The following KIF13A variants were observed in gnomAD, a reference collection of about 807,000 sequenced individuals.
KIF13A encodes the protein kinesin family member 13A, also known as kinesin-like protein KIF13A.
Under a neutral mutation model 212.2 loss-of-function variants are expected in KIF13A, and 79 were observed. The ratio of observed to expected loss-of-function variants is 0.37; its 90% CI spans 0.31 to 0.45. KIF13A has a LOEUF of 0.45. Among genes scored for constraint, KIF13A ranks in the 20% least tolerant of loss-of-function variants. The probability of loss-of-function intolerance (pLI) is 1.00; values close to 1 mark genes in which losing one functional copy is unlikely to be tolerated. For missense variants in KIF13A, 1,901 were observed against 2,209.0 expected, an observed-to-expected ratio of 0.86 and a Z score of 2.79; for synonymous variants, 789 against 808.6, an observed-to-expected ratio of 0.98 and a Z score of 0.41.
chr6:17,847,734 G>A (rs114340639), intron 9 of KIF13A, among the ~76,000 whole-genome samples: 6 of 152,218 alleles, frequency 3.9e-5, no homozygotes, highest in Admixed American at 6.5e-5. Flanking sequence ...TTTATTCACT[G>A]CATACTAAGT....
rs1772650709 is a variant in KIF13A at position 17,897,206 on chromosome 6, A to T, written c.159+962T>A. Among the ~76,000 whole-genome samples, 1 of 152,196 alleles carries T rather than the reference A, an allele frequency of 6.6e-6. No individual in the cohort carries two copies. Among genetic ancestry groups the T allele is most frequent in the South Asian group, 2.1e-4 (1 of 4,828 alleles). ...ATGGGTTTCCATAATCCAAGAGCTA[A>T]GATGGATTGTTCTTCATAACCCCAG... On this transcript the variant is annotated intron_variant, in intron 3 of 38. Transcript: ENST00000259711. The surrounding 1 kb of genome is among the most constrained non-coding windows in gnomAD (Gnocchi z 4.8).
At chr6:17,806,619 C>T (rs778980393) in intron 18 of KIF13A, among the ~76,000 whole-genome samples, 4 of 152,118 alleles carry the variant, frequency 2.6e-5, no homozygotes, top group Admixed American at 6.6e-5. Flanking sequence ...GTGGCTCATG[C>T]CTGTAATCCC....
chr6:17,860,091 C>G lies in KIF13A; in HGVS notation c.221-3969G>C, dbSNP rs370324275. 8.5e-5 allele frequency among the ~76,000 whole-genome samples: 13 copies of G among 152,254 alleles called. 1 individual carries two copies. In the East Asian group the frequency reaches 2.1e-3, roughly 25 times the overall value. Reference sequence around the variant, plus strand: ...TGTCAAGGCTGATTCCATTCATCATCAGTAATTCATGCTGCATGACACTGG... The same window carrying G: ...TGTCAAGGCTGATTCCATTCATCATGAGTAATTCATGCTGCATGACACTGG... On this transcript the variant is annotated intron_variant, in intron 4 of 38. Transcript: ENST00000259711.
intron 16 of KIF13A, 136 bp from the exon 17 acceptor site, chr6:17,817,369 G>A (rs1157470394): frequency 1.3e-5 from 9 of 691,766 alleles, no homozygotes; most frequent in Non-Finnish European, 2.3e-5. Context: ...AGAGGCCTGA[G>A]GGGCCACATC....
At chr6:17,891,589 C>T (rs1179558340) in intron 3 of KIF13A, among the ~76,000 whole-genome samples, 2 of 152,062 alleles carry the variant, frequency 1.3e-5, no homozygotes, top group East Asian at 3.8e-4. Flanking sequence ...GAGACCTCAT[C>T]TTTACAAAGA....
chr6:17,977,005 G>A (rs927527408), intron 2 of KIF13A, among the ~76,000 whole-genome samples: 55 of 151,750 alleles, frequency 3.6e-4, no homozygotes, highest in Middle Eastern at 3.4e-3. Flanking sequence ...GGGAGGCTGA[G>A]GCAGGAGAAT....
At chr6:17,781,340 A>G in intron 29 of KIF13A, 39 bp from the exon 30 acceptor site, 1 of 1,516,866 alleles carries the variant, frequency 6.6e-7, no homozygotes. Flanking sequence ...AGTAGGGGAA[A>G]GTCAGTTTTT....
intron 2 of KIF13A, among the ~76,000 whole-genome samples, chr6:17,973,692 G>A (rs1033544189): frequency 6.6e-6 from 1 of 152,158 alleles, no homozygotes; most frequent in Non-Finnish European, 1.5e-5. Context: ...AGCTGCAAAA[G>A]GATCAACAGC....
rs771660259 is a variant in KIF13A, at chr6:17,796,723, C to A, written c.2888G>T (p.Ser963Ile). The stretch of plus-strand genomic sequence containing the variant: ...AAGAGAATCGACCTCCCAGATGGAG[C>A]TGCCATTTCCAGCACACCGGTGGCC... ...VWGHRCAGNG[S>I]SIWEVDSLHA... is the part of the protein sequence containing the mutation. The change falls in exon 23 of 39, where the codon AGC (serine) becomes ATC (isoleucine). Residue 963 changes from serine (S) to isoleucine (I), a missense_variant. Physicochemically the swap from Ser to Ile is moderately radical, Grantham distance 142 (BLOSUM62 -2). Coordinates refer to ENST00000259711, the MANE Select transcript of KIF13A (RefSeq NM_022113.6). 1.3e-6 allele frequency: 2 copies of A among 1,592,876 alleles called. No homozygotes were observed. Among genetic ancestry groups the A allele is most frequent in the African/African-American group, 2.7e-5 (2 of 73,706 alleles).
intron 2 of KIF13A, among the ~76,000 whole-genome samples, chr6:17,903,316 T>C (rs991362660): frequency 2.0e-5 from 3 of 152,234 alleles, no homozygotes; most frequent in African/African-American, 7.2e-5. Flanking sequence ...ACTTATTTGA[T>C]AACAGAATTT....
chr6:17,840,002 G>A (rs1027994102), intron 9 of KIF13A, among the ~76,000 whole-genome samples: 4 of 152,188 alleles, frequency 2.6e-5, no homozygotes, highest in Non-Finnish European at 5.9e-5. Flanking sequence ...GCCATATACT[G>A]TATGATTCCA....
chr6:17,915,703 T>C lies in KIF13A; in HGVS notation c.147-17523A>G, dbSNP rs1406770386. Among the ~76,000 whole-genome samples the C allele has an allele frequency of 2.0e-5, 3 of 152,144 alleles. No individual in the cohort carries two copies. The highest frequency in any genetic ancestry group is 4.4e-5 in the Non-Finnish European group (3 of 68,030). ...CAGGCCAGGCACAGTGGCTCACGCC[T>C]GTAATCGCAGCACTTTGGGAGGCTA... On this transcript the variant is annotated intron_variant, in intron 2 of 38. Coordinates refer to ENST00000259711, the MANE Select transcript of KIF13A (RefSeq NM_022113.6). This position sits in a 1 kb window ranked among gnomAD's most constrained non-coding sequence, Gnocchi z 4.4.
At chr6:17,774,560 G>A (rs1044542436) in intron 35 of KIF13A, among the ~76,000 whole-genome samples, 1 of 152,120 alleles carries the variant, frequency 6.6e-6, no homozygotes, top group African/African-American at 2.4e-5. Flanking sequence ...GATCACCTGA[G>A]GTCAGAAGTT....
intron 3 of KIF13A, among the ~76,000 whole-genome samples, chr6:17,880,186 C>T (rs1770928154): frequency 6.6e-6 from 1 of 152,090 alleles, no homozygotes. Flanking sequence ...ATTCTCCTAG[C>T]CTCAAGTGAT....
At chr6:17,868,608 CA>C (rs1001537960) in intron 4 of KIF13A, among the ~76,000 whole-genome samples, 17 of 142,960 alleles carry the variant, frequency 1.2e-4, no homozygotes, top group African/African-American at 1.0e-4. Flanking sequence ...CTTTTTGAAG[CA>C]AAAAAAAAAT....
In KIF13A at chr6:17,934,787, C is replaced by CAAAA. The variant is rs11301845; in HGVS notation, c.147-36611_147-36608dup. Among the ~76,000 whole-genome samples the CAAAA allele has an allele frequency of 7.1e-6, 1 of 140,228 alleles. No homozygotes were observed. Among genetic ancestry groups the CAAAA allele is most frequent in the African/African-American group, 2.7e-5 (1 of 37,008 alleles). 92.0% of individuals were successfully genotyped at this position (140,228 alleles called of 152,430 possible). A position where few individuals can be genotyped will look rare whatever the true frequency, so the allele number is the denominator to read the frequency against. On this transcript the variant is annotated intron_variant, in intron 2 of 38. Transcript: ENST00000259711. This position sits in a 1 kb window ranked among gnomAD's most constrained non-coding sequence, Gnocchi z 5.4. ...GGGCAACCAAGCAATACCCTGTCTCCAAAAAAAAAAAAAAGACACTTAAAA... is the reference window on the plus strand; with the variant it reads ...GGGCAACCAAGCAATACCCTGTCTCCAAAAAAAAAAAAAAAAAAGACACTTAAAA...
At chr6:17,841,608 T>C (rs1186750377) in intron 9 of KIF13A, among the ~76,000 whole-genome samples, 1 of 152,136 alleles carries the variant, frequency 6.6e-6, no homozygotes, top group Non-Finnish European at 1.5e-5. Flanking sequence ...AATTCCCATG[T>C]ATATTTTGCT....
At chr6:17,795,013 C>T (rs887449350) in intron 23 of KIF13A, 3 of 260,938 alleles carry the variant, frequency 1.1e-5, no homozygotes, top group African/African-American at 6.6e-5. Context: ...CCATTCAATC[C>T]CCACATTCCC....
At chr6:17,780,957 T>C (rs1760512432) in intron 30 of KIF13A, 51 bp from the exon 31 acceptor site, 2 of 1,543,224 alleles carry the variant, frequency 1.3e-6, no homozygotes, top group Non-Finnish European at 1.8e-6. Context: ...AAGTCAGATG[T>C]AGCAGTTTTA....
Sources: allele counts gnomAD v4.1 joint callset (sites outside exome capture counted in the v4.1 genomes callset), GRCh38; gene constraint gnomAD v4.1.1; non-coding constraint Gnocchi (gnomAD v3.1); transcripts MANE v1.5; gene names NCBI Gene and HGNC (gene_info 2026-07-23, HGNC 2026-07-21).